The following SH3GLB1 variants were observed in gnomAD, a reference collection of about 807,000 sequenced individuals.
The protein encoded by SH3GLB1 is SH3 domain containing GRB2 like, endophilin B1, also known as endophilin-B1.
SH3GLB1 carries 17 observed loss-of-function variants against 42.0 expected under a neutral mutation model. The observed-to-expected ratio is 0.40, with a 90% CI of 0.28 to 0.61. The LOEUF (loss-of-function observed/expected upper bound fraction) is 0.61, where lower values mean the gene tolerates loss of function less well. Ranked by LOEUF, SH3GLB1 falls within the 20% of genes least tolerant of loss-of-function variation. The probability of loss-of-function intolerance (pLI) is 0.36; values close to 1 mark genes in which losing one functional copy is unlikely to be tolerated. For missense variants in SH3GLB1, 355 were observed against 426.3 expected, an observed-to-expected ratio of 0.83 and a Z score of 1.47; for synonymous variants, 132 against 146.6, an observed-to-expected ratio of 0.90 and a Z score of 0.72.
intron 7 of SH3GLB1, among the ~76,000 whole-genome samples, chr1:86,738,924 G>A (rs568867452): frequency 4.7e-4 from 72 of 152,336 alleles, no homozygotes; most frequent in African/African-American, 1.5e-3. Flanking sequence ...GATTATAGGC[G>A]TGAGCCACCA....
At chr1:86,736,520 T>A (rs1158879602) in intron 7 of SH3GLB1, among the ~76,000 whole-genome samples, 1 of 152,218 alleles carries the variant, frequency 6.6e-6, no homozygotes, top group East Asian at 1.9e-4. Flanking sequence ...AGAACAGCAC[T>A]TTATCTTCAC....
intron 1 of SH3GLB1, among the ~76,000 whole-genome samples, chr1:86,707,644 AT>A (rs948807467): frequency 0.035 from 4,079 of 116,472 alleles, 84 homozygotes; most frequent in African/African-American, 0.11. Flanking sequence ...TTTACAGGGT[AT>A]TTTTTTTTTT....
chr1:86,728,416 C>A (rs865868162), intron 5 of SH3GLB1: 1 of 1,557,984 alleles, frequency 6.4e-7, no homozygotes, highest in East Asian at 2.3e-5. Flanking sequence ...CTAAACTCAG[C>A]TCGCCTTGAA....
intron 5 of SH3GLB1, chr1:86,730,213 G>A (rs946976534): frequency 4.5e-5 from 67 of 1,487,642 alleles, no homozygotes; most frequent in Non-Finnish European, 5.9e-5. Flanking sequence ...GTCACAGTCT[G>A]TGTTAGTATA....
At position 86,732,788 on chromosome 1, in the gene SH3GLB1, C is replaced by A. The variant is rs116722359; in HGVS notation, c.571-1814C>A. Among the ~76,000 whole-genome samples the A allele has an allele frequency of 2.9e-3, 438 of 152,200 alleles. 1 individual carries two copies. Among genetic ancestry groups the A allele is most frequent in the African/African-American group, 0.01 (422 of 41,522 alleles). On this transcript the variant is annotated intron_variant, in intron 5 of 8. Transcript: ENST00000370558. ...TTATTTCTACTTCAGTCTCAATCTT[C>A]CCGGTCACCTTAATCTGCTACCTAG... is the stretch of plus-strand genomic sequence containing the variant.
rs530768831 is a variant in SH3GLB1, at chr1:86,707,628, T to C, written c.72+2657T>C. Among the ~76,000 whole-genome samples the C allele has an allele frequency of 5.9e-5, 9 of 151,966 alleles. 1 individual carries two copies. In the South Asian group the frequency reaches 1.9e-3, roughly 32 times the overall value. ...GATAAACTTATATCATATCTGAGAT[T>C]TGGTTTTTACAGGGTATTTTTTTTT... On this transcript the variant is annotated intron_variant, in intron 1 of 8. Coordinates refer to ENST00000370558, the MANE Select transcript of SH3GLB1 (RefSeq NM_016009.5).
chr1:86,725,281 C>G (rs958026235), intron 5 of SH3GLB1, among the ~76,000 whole-genome samples: 12 of 151,740 alleles, frequency 7.9e-5, no homozygotes, highest in South Asian at 6.2e-4. Context: ...CCATTCAAAC[C>G]AACAGTGGCA....
chr1:86,744,182 TTGA>T lies in SH3GLB1; in HGVS notation c.*951_*953del, dbSNP rs1408426233. On this transcript the variant is annotated 3_prime_UTR_variant, in exon 9 of 9. Transcript: ENST00000370558. ...AATTTATTAATGAACACAGGCTATC[TTGA>T]TGAGGATCTCTGCTTATGAAACACA... is the stretch of plus-strand genomic sequence containing the variant. 2 of 152,206 alleles carry T rather than the reference TTGA, an allele frequency of 1.3e-5. No individual in the cohort carries two copies. Among genetic ancestry groups the T allele is most frequent in the Non-Finnish European group, 2.9e-5 (2 of 68,034 alleles). The allele number at this position is 152,206 out of a possible 1,614,324, so 9.4% of individuals were successfully genotyped here.
At chr1:86,738,255 T>G (rs1655878682) in intron 7 of SH3GLB1, among the ~76,000 whole-genome samples, 1 of 148,916 alleles carries the variant, frequency 6.7e-6, no homozygotes, top group Admixed American at 6.6e-5. Context: ...TTTGTTTGTT[T>G]GTTTTGTTTT....
intron 1 of SH3GLB1, among the ~76,000 whole-genome samples, chr1:86,711,802 T>C (rs1255226438): frequency 6.6e-6 from 1 of 152,058 alleles, no homozygotes; most frequent in Admixed American, 6.6e-5. Flanking sequence ...TATTATAATT[T>C]TGTTTGAGTC....
chr1:86,722,231 A>C (rs1654907571), intron 3 of SH3GLB1, among the ~76,000 whole-genome samples: 1 of 151,172 alleles, frequency 6.6e-6, no homozygotes, highest in Admixed American at 6.6e-5. Flanking sequence ...GAACCCATAG[A>C]TACAGAGGGC....
At chr1:86,734,783 C>A in intron 6 of SH3GLB1, 92 bp downstream of exon 6, 1 of 824,634 alleles carries the variant, frequency 1.2e-6, no homozygotes, top group Non-Finnish European at 2.0e-6. Context: ...TTCAGTCATT[C>A]ATCAAGGAAA....
At chr1:86,713,067 G>A (rs971157959) in intron 1 of SH3GLB1, among the ~76,000 whole-genome samples, 6 of 152,044 alleles carry the variant, frequency 3.9e-5, no homozygotes, top group Middle Eastern at 6.8e-3. Context: ...AAATACTGTC[G>A]GGAGAAAACT....
At chr1:86,721,056 C>G (rs147765621) in intron 3 of SH3GLB1, among the ~76,000 whole-genome samples, 281 of 152,274 alleles carry the variant, frequency 1.8e-3, no homozygotes, top group Non-Finnish European at 3.3e-3. Context: ...CCTTCCTTCA[C>G]CAGGCTGAAG....
Position 86,704,786 on chromosome 1 carries a change from T to G in SH3GLB1, c.-114T>G. On this transcript the variant is annotated 5_prime_UTR_variant, in exon 1 of 9. Transcript: ENST00000370558. ...CTGCGGCTGCGGGGCTGGCGCCGCC[T>G]CCCTCCACCTACCACGTCTGCCCTC... The G allele has an allele frequency of 1.8e-6, 1 of 561,112 alleles. No homozygotes were observed. The highest frequency in any genetic ancestry group is 2.0e-5 in the African/African-American group (1 of 49,138). The allele number at this position is 561,112 out of a possible 1,614,324, so 34.8% of individuals were successfully genotyped here.
intron 7 of SH3GLB1, among the ~76,000 whole-genome samples, chr1:86,737,749 T>A (rs1157328524): frequency 1.3e-5 from 2 of 152,166 alleles, no homozygotes; most frequent in African/African-American, 4.8e-5. Flanking sequence ...TTATATAGTA[T>A]ATTAGAAGGT....
At chr1:86,737,573 T>C (rs930456103) in intron 7 of SH3GLB1, among the ~76,000 whole-genome samples, 2 of 152,204 alleles carry the variant, frequency 1.3e-5, no homozygotes, top group African/African-American at 4.8e-5. Context: ...TTTAAAACTA[T>C]TTCACCCTTT....
At chr1:86,721,115 C>G (rs1287363089) in intron 3 of SH3GLB1, among the ~76,000 whole-genome samples, 1 of 152,110 alleles carries the variant, frequency 6.6e-6, no homozygotes, top group Non-Finnish European at 1.5e-5. Flanking sequence ...AGATTTTCTT[C>G]CCTTTTAAAT....
chr1:86,712,480 A>T (rs1220997759), intron 1 of SH3GLB1, among the ~76,000 whole-genome samples: 1 of 152,172 alleles, frequency 6.6e-6, no homozygotes, highest in Non-Finnish European at 1.5e-5. Context: ...GTGTTTAATC[A>T]CCCTGAGTCT....
Sources: gnomAD v4.1 joint callset for allele counts (sites outside exome capture counted in the v4.1 genomes callset) on GRCh38, gnomAD v4.1.1 for gene constraint, MANE v1.5 for transcripts, NCBI Gene and HGNC (gene_info 2026-07-23, HGNC 2026-07-21) for gene names.